Variants in GLI1 observed in about 807,000 individuals in gnomAD.
GLI1 encodes transcription activator GLI1.
A neutral mutation model predicts 87.8 loss-of-function variants in GLI1; 51 were observed. The observed-to-expected ratio is 0.58, with a 90% CI of 0.46 to 0.73. The LOEUF (loss-of-function observed/expected upper bound fraction) is 0.73, where lower values mean the gene tolerates loss of function less well. Among genes scored for constraint, GLI1 ranks in the 30% least tolerant of loss-of-function variants. The pLI is 0.00. For synonymous variants in GLI1, 528 were observed against 558.2 expected, an observed-to-expected ratio of 0.95 and a Z score of 0.76; for missense variants, 1,292 against 1,437.2, an observed-to-expected ratio of 0.90 and a Z score of 1.63.
At chr12:57,461,983 A>C (rs1871168460) in intron 1 of GLI1, among the ~76,000 whole-genome samples, 1 of 152,190 alleles carries the variant, frequency 6.6e-6, no homozygotes, top group Non-Finnish European at 1.5e-5. Flanking sequence ...ACTAGCCTGA[A>C]GGGGAGATAT....
Position 57,470,528 on chromosome 12 carries a change from C to T in GLI1, c.1788C>T (p.Ala596=). The change falls in exon 12 of 12, where the codon GCC becomes GCT. Residue 596 remains alanine (A), a synonymous_variant. Coordinates refer to ENST00000228682, the MANE Select transcript of GLI1 (RefSeq NM_005269.3). ...HYLLRARYAS[A]RGGGTSPTAA... is the part of the protein sequence containing the mutation. Reference sequence around the variant, plus strand: ...TGCTTCGGGCAAGATATGCTTCAGCCAGAGGGGGTGGTACTTCGCCCACTG... The same window carrying T: ...TGCTTCGGGCAAGATATGCTTCAGCTAGAGGGGGTGGTACTTCGCCCACTG... The T allele has an allele frequency of 1.2e-6, 2 of 1,614,002 alleles. No individual in the cohort carries two copies. The highest frequency in any genetic ancestry group is 1.1e-5 in the South Asian group (1 of 91,074).
intron 1 of GLI1, 108 bp from the exon 2 acceptor site, chr12:57,463,557 A>G: frequency 1.4e-6 from 1 of 690,858 alleles, no homozygotes; most frequent in South Asian, 1.5e-5. Flanking sequence ...CAGATGTCTT[A>G]GAGGGGTGGG....
rs1449823008 is a variant in GLI1 at position 57,472,171 on chromosome 12, G to C, written c.*110G>C. The C allele has an allele frequency of 1.1e-5, 8 of 711,174 alleles. No individual in the cohort carries two copies. In the East Asian group the frequency reaches 2.3e-4, roughly 21 times the overall value. 44.1% of individuals were successfully genotyped at this position (711,174 alleles called of 1,614,324 possible). On this transcript the variant is annotated 3_prime_UTR_variant, in exon 12 of 12. Transcript: ENST00000228682. ...TGCACAAGATGCCCCAGGGATGGGAGGTATGGGCTGGGGGCTATGTATAGT... is the reference window on the plus strand; with the variant it reads ...TGCACAAGATGCCCCAGGGATGGGACGTATGGGCTGGGGGCTATGTATAGT...
At position 57,471,500 on chromosome 12, in the gene GLI1, C is replaced by T; in HGVS notation, c.2760C>T (p.Ala920=). 1.2e-6 allele frequency: 2 copies of T among 1,610,786 alleles called. No homozygotes were observed. The highest frequency in any genetic ancestry group is 1.7e-6 in the Non-Finnish European group (2 of 1,178,732). Residue 920 remains alanine, a synonymous_variant, in exon 12 of 12, where the codon GCC becomes GCT. Coordinates refer to ENST00000228682, the MANE Select transcript of GLI1 (RefSeq NM_005269.3). This position sits in a 1 kb window ranked among gnomAD's most constrained non-coding sequence, Gnocchi z 4.9. ...GTGGGGGCAGGGAAGATGCCCCCGC[C>T]CAGGAACCTTCCTACCAGAGTCCCA... ...WEGGGREDAP[A]QEPSYQSPKF...
chr12:57,465,202 C>T lies in GLI1; in HGVS notation c.481C>T (p.Arg161Trp), dbSNP rs142957882. The T allele has an allele frequency of 2.9e-5, 47 of 1,612,238 alleles. No homozygotes were observed. The highest frequency in any genetic ancestry group is 2.3e-4 in the South Asian group (21 of 91,008). ...VQPCGPHDSA[R>W]GGMIPHPQSR... ...GCCTTGTGGTCCCCATGACTCTGCC[C>T]GGGGTGGGATGATCCCACATCCTCA... The change falls in exon 5 of 12, where the codon CGG becomes TGG. Residue 161 changes from arginine to tryptophan, a missense_variant. Transcript: ENST00000228682.
chr12:57,466,198 T>A (rs758424705), intron 7 of GLI1, 42 bp from the exon 8 acceptor site: 1 of 1,587,896 alleles, frequency 6.3e-7, no homozygotes, highest in Non-Finnish European at 8.6e-7. Flanking sequence ...GACCTCAGGG[T>A]CATGGGAGAG....
chr12:57,469,738 T>C (rs1178695055), intron 11 of GLI1, 40 bp downstream of exon 11: 1 of 1,599,602 alleles, frequency 6.3e-7, no homozygotes, highest in South Asian at 1.1e-5. Context: ...GGGTGAGATC[T>C]GGACCTGCCC....
chr12:57,461,108 C>T (rs1195418816), intron 1 of GLI1, among the ~76,000 whole-genome samples: 1 of 152,162 alleles, frequency 6.6e-6, no homozygotes, highest in Non-Finnish European at 1.5e-5. Flanking sequence ...TCCCATGACC[C>T]CGAAACAATC....
rs1872055036 is a variant in GLI1, at chr12:57,472,104, G to A, written c.*43G>A. 2.2e-6 allele frequency: 3 copies of A among 1,359,134 alleles called. No individual in the cohort carries two copies. The highest frequency in any genetic ancestry group is 3.0e-6 in the Non-Finnish European group (3 of 1,011,074). 84.2% of individuals were successfully genotyped at this position (1,359,134 alleles called of 1,614,324 possible). A position where few individuals can be genotyped will look rare whatever the true frequency, so the allele number is the denominator to read the frequency against. On this transcript the variant is annotated 3_prime_UTR_variant, in exon 12 of 12. Transcript: ENST00000228682. Reference sequence around the variant, plus strand: ...CCATCACAGATCGCATTTCCTAAGGGGTTTCTATCCTTCCAGAAAAATTGG... The same window carrying A: ...CCATCACAGATCGCATTTCCTAAGGAGTTTCTATCCTTCCAGAAAAATTGG...
intron 8 of GLI1, among the ~76,000 whole-genome samples, chr12:57,467,050 A>G (rs1871536933): frequency 6.6e-6 from 1 of 152,106 alleles, no homozygotes; most frequent in Non-Finnish European, 1.5e-5. Context: ...AGATGACCCC[A>G]TCTTGGGACA....
intron 9 of GLI1, 86 bp from the exon 10 acceptor site, chr12:57,467,908 C>A (rs775658007): frequency 5.5e-5 from 50 of 912,408 alleles, no homozygotes; most frequent in Admixed American, 4.5e-4. Flanking sequence ...TCCCCTGCCC[C>A]CTGTGTTGTC....
chr12:57,468,283 C>T, intron 10 of GLI1, 59 bp downstream of exon 10: 2 of 1,106,738 alleles, frequency 1.8e-6, no homozygotes. Context: ...GGACATCTTT[C>T]TAGTTACTTC....
Position 57,468,171 on chromosome 12 carries a change from G to A in GLI1, c.1255G>A (p.Glu419Lys). The change falls in exon 10 of 12, where the codon GAA (glutamate) becomes AAA (lysine). Residue 419 changes from glutamate to lysine, a missense_variant. By Grantham distance (56) the Glu-to-Lys change is moderately conservative. Around this residue, in one of 3 missense-constraint regions of GLI1, gnomAD observed 897 missense variants for 1,040.7 expected, o/e 0.86. Coordinates refer to ENST00000228682, the MANE Select transcript of GLI1 (RefSeq NM_005269.3). Reference protein sequence around the residue: ...ISTVEPKREREGGPIREESRL... With the variant: ...ISTVEPKRERKGGPIREESRL... ...TACAGTGGAGCCCAAGAGGGAGCGG[G>A]AAGGAGGTCCCATCAGGGAGGAAAG... The A allele has an allele frequency of 1.2e-6, 2 of 1,614,222 alleles. No individual in the cohort carries two copies. Among genetic ancestry groups the A allele is most frequent in the Admixed American group, 1.7e-5 (1 of 60,032 alleles).
At chr12:57,465,392 G>A in intron 5 of GLI1, 137 bp downstream of exon 5, 1 of 829,750 alleles carries the variant, frequency 1.2e-6, no homozygotes, top group South Asian at 1.8e-5. Flanking sequence ...TGGGTGCTGG[G>A]GTTCACTCCT....
At chr12:57,467,523 C>A in intron 9 of GLI1, 26 bp downstream of exon 9, 3 of 1,566,768 alleles carry the variant, frequency 1.9e-6, no homozygotes, top group Non-Finnish European at 2.6e-6. Context: ...AAGCGACCCT[C>A]CCCTCTTGAG....
At chr12:57,469,868 A>C (rs755049421) in intron 11 of GLI1, among the ~76,000 whole-genome samples, 170 bp downstream of exon 11, 6 of 152,194 alleles carry the variant, frequency 3.9e-5, no homozygotes, top group Non-Finnish European at 8.8e-5. Flanking sequence ...TGATGTACAA[A>C]CATGCAAAGG....
At chr12:57,470,065 T>C (rs1031045210) in intron 11 of GLI1, among the ~76,000 whole-genome samples, 2 of 152,088 alleles carry the variant, frequency 1.3e-5, no homozygotes, top group Non-Finnish European at 2.9e-5. Flanking sequence ...CAAACAAGTA[T>C]GCAAAGGCTA....
intron 10 of GLI1, 138 bp downstream of exon 10, chr12:57,468,362 G>A: frequency 1.6e-6 from 1 of 620,216 alleles, no homozygotes; most frequent in Non-Finnish European, 2.9e-6. Context: ...TTGTCTTAGT[G>A]TTGCTCTTTG....
At position 57,470,854 on chromosome 12, in the gene GLI1, A is replaced by T; in HGVS notation, c.2114A>T (p.Glu705Val). The change falls in exon 12 of 12, where the codon GAA (glutamate) becomes GTA (valine). Residue 705 changes from glutamate to valine, a missense_variant. Around this residue, in one of 3 missense-constraint regions of GLI1, gnomAD observed 897 missense variants for 1,040.7 expected, o/e 0.86. Transcript: ENST00000228682. The stretch of plus-strand genomic sequence containing the variant: ...GCCATGGATGCTAGAGGGCTACAGG[A>T]AGAGCCAGAAGTTGGGACCTCCATG... The part of the protein sequence containing the change: ...NAAMDARGLQ[E>V]EPEVGTSMVG... 1 of 1,609,860 alleles carries T rather than the reference A, an allele frequency of 6.2e-7. No homozygotes were observed. The highest frequency in any genetic ancestry group is 8.5e-7 in the Non-Finnish European group (1 of 1,177,664).
Sources: allele counts gnomAD v4.1 joint callset (sites outside exome capture counted in the v4.1 genomes callset), GRCh38; gene constraint gnomAD v4.1.1; regional missense constraint gnomAD v4.1.1; non-coding constraint Gnocchi (gnomAD v3.1); transcripts MANE v1.5; gene names NCBI Gene and HGNC (gene_info 2026-07-23, HGNC 2026-07-21).